Variants in MCM9 observed in about 807,000 individuals in gnomAD.
MCM9 encodes the protein DNA helicase MCM9.
Under a neutral mutation model 72.8 loss-of-function variants are expected in MCM9, and 55 were observed. The ratio of observed to expected loss-of-function variants is 0.76; its 90% CI spans 0.61 to 0.95. MCM9 has a LOEUF of 0.95. Among genes scored for constraint, MCM9 ranks in the 40% least tolerant of loss-of-function variants. MCM9 has a pLI of 0.00. For missense variants in MCM9, 1,279 were observed against 1,377.0 expected, an observed-to-expected ratio of 0.93 and a Z score of 1.13; for synonymous variants, 480 against 503.4, an observed-to-expected ratio of 0.95 and a Z score of 0.62.
intron 8 of MCM9, chr6:118,900,694 A>T: frequency 1.8e-6 from 2 of 1,107,190 alleles, no homozygotes; most frequent in Non-Finnish European, 2.8e-6. Context: ...AGTGGACATT[A>T]AAAGGGTCTT....
At chr6:118,907,576 C>T (rs935751073) in intron 8 of MCM9, 1 of 1,613,652 alleles carries the variant, frequency 6.2e-7, no homozygotes, top group Non-Finnish European at 8.5e-7. Flanking sequence ...AGAAAACTCA[C>T]TAAATGTCAT....
intron 9 of MCM9, among the ~76,000 whole-genome samples, chr6:118,838,157 TTC>T (rs1177472388): frequency 2.0e-5 from 3 of 147,174 alleles, no homozygotes; most frequent in Non-Finnish European, 4.5e-5. Context: ...GGGTTGAAAA[TTC>T]TTTTTTTTTT....
intron 8 of MCM9, 78 bp downstream of exon 8, chr6:118,911,572 G>A: frequency 4.0e-6 from 6 of 1,514,854 alleles, no homozygotes; most frequent in Non-Finnish European, 5.3e-6. Flanking sequence ...CCTATTATAG[G>A]TAGTTTTTCA....
chr6:118,820,000 ATTCT>A, intron 13 of MCM9, among the ~76,000 whole-genome samples: 1 of 149,958 alleles, frequency 6.7e-6, no homozygotes, highest in Non-Finnish European at 1.5e-5. Context: ...TGTCTATTTG[ATTCT>A]TCTCTCTTTT....
intron 8 of MCM9, among the ~76,000 whole-genome samples, chr6:118,896,284 G>A (rs894517509): frequency 4.6e-5 from 7 of 151,538 alleles, no homozygotes; most frequent in African/African-American, 9.7e-5. Context: ...ATTGCCAACT[G>A]CATATAAAAA....
At chr6:118,903,049 T>G (rs1353487480) in intron 8 of MCM9, among the ~76,000 whole-genome samples, 1 of 152,226 alleles carries the variant, frequency 6.6e-6, no homozygotes, top group Non-Finnish European at 1.5e-5. Context: ...TTAAATTTGC[T>G]CAAACTGAAT....
At chr6:118,898,435 T>C (rs948726665) in intron 8 of MCM9, among the ~76,000 whole-genome samples, 1 of 151,774 alleles carries the variant, frequency 6.6e-6, no homozygotes, top group Non-Finnish European at 1.5e-5. Flanking sequence ...ATTTTTTTTT[T>C]TTTTTTTTGG....
At chr6:118,894,019 CCA>C (rs912413618) in intron 8 of MCM9, 1 of 988,512 alleles carries the variant, frequency 1.0e-6, no homozygotes, top group Admixed American at 6.1e-5. Flanking sequence ...AGCCCTTATT[CCA>C]CTCACTTTGT....
chr6:118,894,265 A>C (rs1779183561), intron 8 of MCM9: 1 of 1,457,832 alleles, frequency 6.9e-7, no homozygotes, highest in African/African-American at 1.4e-5. Flanking sequence ...CCGTGTAAAT[A>C]AAAAGAGGAA....
intron 6 of MCM9, 41 bp downstream of exon 6, chr6:118,917,520 A>C: frequency 3.8e-6 from 6 of 1,558,938 alleles, no homozygotes; most frequent in Non-Finnish European, 5.3e-6. Context: ...ACTGAATGTA[A>C]TACCATTAAT....
At position 118,924,469 on chromosome 6, in the gene MCM9, C is replaced by T. The variant is rs932662062; in HGVS notation, c.305-342G>A. Among the ~76,000 whole-genome samples, 11 of 152,202 alleles carry T rather than the reference C, an allele frequency of 7.2e-5. No homozygotes were observed. In the South Asian group the frequency reaches 8.3e-4, roughly 11 times the overall value. On this transcript the variant is annotated intron_variant, in intron 3 of 13. Coordinates refer to ENST00000619706, the MANE Select transcript of MCM9 (RefSeq NM_017696.3). ...TAGGATCTAAAGTATATAATTTTAA[C>T]GGCATTTAACAAAAAATATATTGCC...
intron 9 of MCM9, among the ~76,000 whole-genome samples, chr6:118,836,393 T>A (rs1474251478): frequency 6.6e-6 from 1 of 152,246 alleles, no homozygotes; most frequent in Non-Finnish European, 1.5e-5. Context: ...TCTTTTTCTA[T>A]GGTTTGTAAT....
chr6:118,893,410 G>C (rs914738644), intron 8 of MCM9, among the ~76,000 whole-genome samples: 12 of 152,154 alleles, frequency 7.9e-5, no homozygotes, highest in African/African-American at 2.7e-4. Flanking sequence ...CCAAATGGCA[G>C]TAACCTGAAG....
rs1297486365 is a variant in MCM9 at position 118,893,925 on chromosome 6, C to G, written c.1150+17725G>C. The G allele has an allele frequency of 7.3e-5, 57 of 776,472 alleles. 1 individual carries two copies. Among genetic ancestry groups the G allele is most frequent in the South Asian group, 1.7e-4 (3 of 17,820 alleles). 48.1% of individuals were successfully genotyped at this position (776,472 alleles called of 1,614,324 possible). ...GGGCGTCGGCCGGATCGCGCCCTCC[C>G]GCCGCAGCCACGCCTCCCCGCCGCG... On this transcript the variant is annotated intron_variant, in intron 8 of 13. Transcript: ENST00000619706.
chr6:118,894,264 TAA>T lies in MCM9; in HGVS notation c.1150+17384_1150+17385del, dbSNP rs1328922929. Reference sequence around the variant, plus strand: ...ACACTGTGGAGTGCTCCCGTGTAAATAAAAAGAGGAAAAAAGTTTCTCAAGTC... The same window carrying T: ...ACACTGTGGAGTGCTCCCGTGTAAATAAAGAGGAAAAAAGTTTCTCAAGTC... On this transcript the variant is annotated intron_variant, in intron 8 of 13. Transcript: ENST00000619706. The T allele has an allele frequency of 1.1e-5, 16 of 1,457,908 alleles. No individual in the cohort carries two copies. The African/African-American group carries it at 1.7e-4, about 16-fold the overall frequency. The allele number at this position is 1,457,908 out of a possible 1,614,324, so 90.3% of individuals were successfully genotyped here.
At chr6:118,915,260 C>T (rs1304326581) in intron 6 of MCM9, among the ~76,000 whole-genome samples, 3 of 152,230 alleles carry the variant, frequency 2.0e-5, no homozygotes, top group Non-Finnish European at 4.4e-5. Flanking sequence ...AGCACCAGTA[C>T]TACCCCCATC....
chr6:118,875,710 G>T lies in MCM9; in HGVS notation c.1151-19165C>A, dbSNP rs142653812. Among the ~76,000 whole-genome samples, 177 of 152,082 alleles carry T rather than the reference G, an allele frequency of 1.2e-3. 1 individual carries two copies. The East Asian group carries it at 0.031, about 27-fold the overall frequency. On this transcript the variant is annotated intron_variant, in intron 8 of 13. Transcript: ENST00000619706. Reference sequence around the variant, plus strand: ...CATCTTTACACATCTTAGAATGACTGTAATCCAAAGAACTGACAACACCAA... The same window carrying T: ...CATCTTTACACATCTTAGAATGACTTTAATCCAAAGAACTGACAACACCAA...
At chr6:118,841,910 C>T (rs1775397628) in intron 9 of MCM9, among the ~76,000 whole-genome samples, 1 of 151,604 alleles carries the variant, frequency 6.6e-6, no homozygotes, top group Admixed American at 6.6e-5. Flanking sequence ...TCCCAGCTCA[C>T]TGCAGCCTCC....
chr6:118,896,235 C>T (rs952801433), intron 8 of MCM9, among the ~76,000 whole-genome samples: 1 of 152,034 alleles, frequency 6.6e-6, no homozygotes, highest in African/African-American at 2.4e-5. Context: ...ATTGCAGCTA[C>T]CAGGCCCATT....
Sources: gnomAD v4.1 joint callset for allele counts (sites outside exome capture counted in the v4.1 genomes callset) on GRCh38, gnomAD v4.1.1 for gene constraint, MANE v1.5 for transcripts, NCBI Gene and HGNC (gene_info 2026-07-23, HGNC 2026-07-21) for gene names.